Variants in IMMP2L observed in about 807,000 individuals in gnomAD.
IMMP2L encodes the protein mitochondrial inner membrane protease subunit 2.
A neutral mutation model predicts 19.3 loss-of-function variants in IMMP2L; 18 were observed. The observed-to-expected ratio is 0.93, with a 90% CI of 0.64 to 1.38. IMMP2L has a LOEUF of 1.38. IMMP2L is among the 40% of genes most tolerant of loss of function. The probability of loss-of-function intolerance (pLI) is 0.00; values close to 1 mark genes in which losing one functional copy is unlikely to be tolerated. For synonymous variants in IMMP2L, 76 were observed against 73.0 expected, an observed-to-expected ratio of 1.04 and a Z score of -0.21; for missense variants, 233 against 218.2, an observed-to-expected ratio of 1.07 and a Z score of -0.43.
At chr7:111,182,695 T>C (rs1807841551) in intron 3 of IMMP2L, among the ~76,000 whole-genome samples, 1 of 151,956 alleles carries the variant, frequency 6.6e-6, no homozygotes, top group Non-Finnish European at 1.5e-5. Flanking sequence ...AAGAATGTGA[T>C]GTGAAATCTA....
At chr7:111,403,410 C>A (rs1368536043) in intron 3 of IMMP2L, among the ~76,000 whole-genome samples, 2 of 151,460 alleles carry the variant, frequency 1.3e-5, no homozygotes, top group Admixed American at 1.3e-4. Flanking sequence ...TCAGGTAGTT[C>A]TTTATAGCAG....
At chr7:110,792,471 G>A (rs12537293) in intron 5 of IMMP2L, among the ~76,000 whole-genome samples, 35,036 of 149,570 alleles carry the variant, frequency 0.23, 4,377 homozygotes, top group Non-Finnish European at 0.27. Context: ...CTAAACATCC[G>A]GCTTTTCTGG....
intron 5 of IMMP2L, among the ~76,000 whole-genome samples, chr7:110,774,635 C>G (rs541732546): frequency 6.6e-6 from 1 of 152,008 alleles, no homozygotes; most frequent in African/African-American, 2.4e-5. Flanking sequence ...TATACCTTTT[C>G]TATGTTTAGA....
At chr7:111,251,717 G>C (rs1587046208) in intron 3 of IMMP2L, among the ~76,000 whole-genome samples, 1 of 152,184 alleles carries the variant, frequency 6.6e-6, no homozygotes, top group East Asian at 1.9e-4. Flanking sequence ...CACAGGGAGG[G>C]GAATACCACG....
intron 5 of IMMP2L, among the ~76,000 whole-genome samples, chr7:110,862,279 T>G (rs944887922): frequency 6.6e-6 from 1 of 151,896 alleles, no homozygotes; most frequent in African/African-American, 2.4e-5. Context: ...TTTTATAAAA[T>G]CCTCCAGTGG....
intron 3 of IMMP2L, among the ~76,000 whole-genome samples, chr7:111,193,288 G>A (rs994351989): frequency 2.6e-5 from 4 of 152,104 alleles, no homozygotes; most frequent in Admixed American, 1.3e-4. Flanking sequence ...GAACAAGGGC[G>A]TGGCAGAAGG....
chr7:111,551,499 T>G (rs1192034988), intron 1 of IMMP2L, among the ~76,000 whole-genome samples: 1 of 140,036 alleles, frequency 7.1e-6, no homozygotes, highest in Non-Finnish European at 1.6e-5. Flanking sequence ...GTTAGAGGTG[T>G]GTGTGTGTGT....
At chr7:111,009,087 T>A (rs1824630059) in intron 3 of IMMP2L, among the ~76,000 whole-genome samples, 2 of 152,124 alleles carry the variant, frequency 1.3e-5, no homozygotes, top group African/African-American at 4.8e-5. Flanking sequence ...GTTCTATTAA[T>A]ACAATCAGTA....
chr7:111,102,251 T>C (rs1798057661), intron 3 of IMMP2L, among the ~76,000 whole-genome samples: 1 of 151,504 alleles, frequency 6.6e-6, no homozygotes, highest in Non-Finnish European at 1.5e-5. Context: ...TGATTATAGT[T>C]TTAAAAAGTT....
Position 111,346,590 on chromosome 7 carries a change from T to C in IMMP2L, c.239+140648A>G, listed in dbSNP as rs528150300. ...AGTGATAAAATTTATACTTTCACTA[T>C]GGTATTTTAAAAGATCCCTCTGGAA... On this transcript the variant is annotated intron_variant, in intron 3 of 5. Coordinates refer to ENST00000405709, the MANE Select transcript of IMMP2L (RefSeq NM_032549.4). Among the ~76,000 whole-genome samples, 6 of 152,246 alleles carry C rather than the reference T, an allele frequency of 3.9e-5. No homozygotes were observed. In the South Asian group the frequency reaches 8.3e-4, roughly 21 times the overall value.
At chr7:111,268,621 C>G (rs1471761781) in intron 3 of IMMP2L, among the ~76,000 whole-genome samples, 2 of 69,938 alleles carry the variant, frequency 2.9e-5, no homozygotes, top group African/African-American at 1.2e-4. Context: ...GAGACCAAGT[C>G]TTGCTCTGTT....
At chr7:111,279,549 C>T (rs776356529) in intron 3 of IMMP2L, among the ~76,000 whole-genome samples, 4 of 152,010 alleles carry the variant, frequency 2.6e-5, no homozygotes, top group South Asian at 2.1e-4. Flanking sequence ...AAGTGAATTA[C>T]GAAAACCCTT....
chr7:111,023,730 A>AACAAAAC (rs1325790014), intron 3 of IMMP2L, among the ~76,000 whole-genome samples: 4 of 152,070 alleles, frequency 2.6e-5, no homozygotes, highest in African/African-American at 9.7e-5. Context: ...AACAAAACAA[A>AACAAAAC]AATTGTAAGT....
intron 5 of IMMP2L, among the ~76,000 whole-genome samples, chr7:110,805,065 G>T (rs1801531120): frequency 6.6e-6 from 1 of 152,058 alleles, no homozygotes; most frequent in Admixed American, 6.6e-5. Flanking sequence ...TATTACCATA[G>T]ATGCTACATT....
chr7:110,673,381 T>A (rs996665302), intron 5 of IMMP2L, among the ~76,000 whole-genome samples: 1 of 152,196 alleles, frequency 6.6e-6, no homozygotes, highest in African/African-American at 2.4e-5. Context: ...AGGCCTGTGA[T>A]GGGAGGGGCT....
intron 5 of IMMP2L, among the ~76,000 whole-genome samples, chr7:110,685,438 A>T (rs559478417): frequency 1.2e-4 from 18 of 152,172 alleles, no homozygotes; most frequent in Non-Finnish European, 2.1e-4. Context: ...GCCCCATAGA[A>T]AGTCAGGTAC....
chr7:110,901,201 T>C (rs1811831883), intron 4 of IMMP2L, among the ~76,000 whole-genome samples: 1 of 152,146 alleles, frequency 6.6e-6, no homozygotes, highest in African/African-American at 2.4e-5. Flanking sequence ...TGATATTTTG[T>C]CTGTCTTCCT....
At chr7:111,499,465 C>T (rs1235971452) in intron 2 of IMMP2L, among the ~76,000 whole-genome samples, 2 of 152,150 alleles carry the variant, frequency 1.3e-5, no homozygotes, top group African/African-American at 4.8e-5. Context: ...TCATGATATG[C>T]ATCAGGTCCC....
chr7:111,167,041 C>T (rs1381038162), intron 3 of IMMP2L, among the ~76,000 whole-genome samples: 2 of 151,990 alleles, frequency 1.3e-5, no homozygotes, highest in African/African-American at 4.8e-5. Flanking sequence ...CAACCCACTA[C>T]ACCACAGAAA....
Sources: allele counts gnomAD v4.1 joint callset (sites outside exome capture counted in the v4.1 genomes callset), GRCh38; gene constraint gnomAD v4.1.1; transcripts MANE v1.5; gene names NCBI Gene and HGNC (gene_info 2026-07-23, HGNC 2026-07-21).